PTPRT: variants seen among roughly 807,000 people sequenced by gnomAD.
PTPRT encodes the protein protein tyrosine phosphatase receptor type T, also known as receptor-type tyrosine-protein phosphatase T.
PTPRT carries 56 observed loss-of-function variants against 176.8 expected under a neutral mutation model. The observed-to-expected ratio is 0.32, with a 90% CI of 0.26 to 0.40. The LOEUF is 0.40. Ranked by LOEUF, PTPRT falls within the 10% of genes least tolerant of loss-of-function variation. The pLI is 1.00. For missense variants in PTPRT, 1,540 were observed against 1,908.2 expected (o/e 0.81, Z 3.60); for synonymous variants, 783 against 739.0 (o/e 1.06, Z -0.96).
At position 42,719,620 on chromosome 20, in the gene PTPRT, A is replaced by G. The variant is rs908046643; in HGVS notation, c.859+36842T>C. On this transcript the variant is annotated intron_variant, in intron 6 of 30. Transcript: ENST00000373187. ...CAGCTAAAGAGTATTGTTAAAGGCT[A>G]TTGTGAGAAGTAAATAAGACAATGC... Among the ~76,000 whole-genome samples the G allele has an allele frequency of 2.0e-5, 3 of 152,198 alleles. No homozygotes were observed. In the South Asian group the frequency reaches 6.2e-4, roughly 31 times the overall value.
chr20:42,334,707 C>T (rs1431496501), intron 11 of PTPRT, among the ~76,000 whole-genome samples: 1 of 152,172 alleles, frequency 6.6e-6, no homozygotes, highest in East Asian at 1.9e-4. Context: ...AGCATAGGCT[C>T]AGGAATCAGC....
intron 7 of PTPRT, among the ~76,000 whole-genome samples, chr20:42,574,549 T>C (rs909445446): frequency 6.6e-6 from 1 of 152,076 alleles, no homozygotes; most frequent in African/African-American, 2.4e-5. Context: ...CAAGTTACCA[T>C]TGCTCCAGGG....
intron 6 of PTPRT, among the ~76,000 whole-genome samples, chr20:42,722,620 C>A (rs540188480): frequency 5.3e-5 from 8 of 152,266 alleles, no homozygotes; most frequent in African/African-American, 1.9e-4. Flanking sequence ...TGCTCTCTGT[C>A]CAAAAGTAGG....
chr20:42,817,363 G>GTT (rs35081877), intron 2 of PTPRT, among the ~76,000 whole-genome samples: 17,978 of 137,902 alleles, frequency 0.13, 1,567 homozygotes, highest in African/African-American at 0.24. Context: ...ATCATGTTTG[G>GTT]TTTTTTTTTT....
intron 2 of PTPRT, among the ~76,000 whole-genome samples, chr20:42,884,778 T>C (rs1215845565): frequency 6.6e-6 from 1 of 152,106 alleles, no homozygotes; most frequent in Non-Finnish European, 1.5e-5. Flanking sequence ...GCAGAAACTG[T>C]AGAAAATGGC....
chr20:42,978,555 T>C (rs948163036), intron 1 of PTPRT, among the ~76,000 whole-genome samples: 4 of 152,210 alleles, frequency 2.6e-5, no homozygotes, highest in Non-Finnish European at 5.9e-5. Context: ...TCTTGAGCAG[T>C]GGCTGGGTAA....
chr20:42,222,025 A>G (rs1171558460), intron 15 of PTPRT, among the ~76,000 whole-genome samples: 1 of 152,168 alleles, frequency 6.6e-6, no homozygotes, highest in East Asian at 1.9e-4. Context: ...ATTGTAATTT[A>G]GAGCAAAGGG....
intron 1 of PTPRT, among the ~76,000 whole-genome samples, chr20:42,901,398 C>T (rs1229637188): frequency 1.3e-5 from 2 of 152,104 alleles, no homozygotes; most frequent in Non-Finnish European, 2.9e-5. Flanking sequence ...CACAGAATGT[C>T]ATACACACAC....
In PTPRT at chr20:42,177,134, G is replaced by A. The variant is rs1046377382; in HGVS notation, c.2492-15592C>T. Among the ~76,000 whole-genome samples, 5 of 152,218 alleles carry A rather than the reference G, an allele frequency of 3.3e-5. No individual in the cohort carries two copies. The South Asian group carries it at 8.3e-4, about 25-fold the overall frequency. On this transcript the variant is annotated intron_variant, in intron 16 of 30. Coordinates refer to ENST00000373187, the MANE Select transcript of PTPRT (RefSeq NM_007050.6). Reference sequence around the variant, plus strand: ...AGACCAATGCTTCTCAAGGTGTAATGTACATATCTAGAGATCTTCTATAGG... The same window carrying A: ...AGACCAATGCTTCTCAAGGTGTAATATACATATCTAGAGATCTTCTATAGG...
chr20:42,414,527 TAGA>T (rs2059047458), intron 9 of PTPRT, among the ~76,000 whole-genome samples: 1 of 152,134 alleles, frequency 6.6e-6, no homozygotes, highest in Admixed American at 6.5e-5. Context: ...AGAAAATAAA[TAGA>T]AGATCTTACT....
intron 6 of PTPRT, chr20:42,688,593 C>T (rs1569085562): frequency 6.6e-6 from 1 of 152,156 alleles, no homozygotes; most frequent in Non-Finnish European, 1.5e-5. Flanking sequence ...CCCTCCTGGA[C>T]TGTGATTTAT....
rs140435155 is a variant in PTPRT, at chr20:42,874,262, G to A, written c.214+11545C>T. 6.8e-4 allele frequency among the ~76,000 whole-genome samples: 104 copies of A among 152,254 alleles called. 3 individuals carry two copies. Among genetic ancestry groups the A allele is most frequent in the East Asian group, 5.8e-3 (30 of 5,180 alleles). On this transcript the variant is annotated intron_variant, in intron 2 of 30. Coordinates refer to ENST00000373187, the MANE Select transcript of PTPRT (RefSeq NM_007050.6). ...CCTGTTAAATGTGTCGCTGACACAC[G>A]ACTGTTTTTGTGATGCTTCCTTTTC... is the stretch of plus-strand genomic sequence containing the variant.
At chr20:42,205,846 C>A (rs923750685) in intron 15 of PTPRT, among the ~76,000 whole-genome samples, 3 of 152,166 alleles carry the variant, frequency 2.0e-5, no homozygotes, top group Non-Finnish European at 4.4e-5. Flanking sequence ...ACAAGTGAGG[C>A]CCTGCTTCTA....
intron 7 of PTPRT, among the ~76,000 whole-genome samples, chr20:42,526,871 T>C (rs1338648456): frequency 6.6e-6 from 1 of 152,104 alleles, no homozygotes; most frequent in African/African-American, 2.4e-5. Context: ...GTACATTGCT[T>C]ATTTTAGCCA....
chr20:42,180,251 C>T (rs1051436048), intron 16 of PTPRT, among the ~76,000 whole-genome samples: 9 of 152,146 alleles, frequency 5.9e-5, no homozygotes, highest in Non-Finnish European at 7.4e-5. Context: ...TTTTGACTGA[C>T]CTTTACAGCT....
chr20:42,443,310 T>C (rs901806148), intron 9 of PTPRT, among the ~76,000 whole-genome samples: 3 of 152,236 alleles, frequency 2.0e-5, no homozygotes, highest in African/African-American at 7.2e-5. Context: ...GGGATCTTGT[T>C]AAGAAGACTG....
At chr20:42,041,787 G>A in the PTPRT span, among the ~76,000 whole-genome samples, 2 of 152,150 alleles carry the variant, frequency 1.3e-5, no homozygotes, top group Non-Finnish European at 2.9e-5. Context: ...GCATGTAGTA[G>A]TCCTACATAA....
intron 13 of PTPRT, among the ~76,000 whole-genome samples, chr20:42,251,922 A>T (rs987583891): frequency 3.9e-5 from 6 of 152,142 alleles, no homozygotes; most frequent in African/African-American, 1.2e-4. Flanking sequence ...TCAGATTTGT[A>T]TTTCCAATAG....
chr20:42,359,754 G>C (rs886767493), intron 9 of PTPRT, among the ~76,000 whole-genome samples: 1 of 152,240 alleles, frequency 6.6e-6, no homozygotes. Flanking sequence ...AGGGTCAGAG[G>C]CTCAGCCTGC....
Sources: allele counts gnomAD v4.1 joint callset (sites outside exome capture counted in the v4.1 genomes callset), GRCh38; gene constraint gnomAD v4.1.1; transcripts MANE v1.5; gene names NCBI Gene and HGNC (gene_info 2026-07-23, HGNC 2026-07-21).